SLC4A4: variants seen among roughly 807,000 people sequenced by gnomAD.
SLC4A4 encodes the protein solute carrier family 4 member 4, also known as electrogenic sodium bicarbonate cotransporter 1.
SLC4A4 carries 27 observed loss-of-function variants against 111.5 expected under a neutral mutation model. The ratio of observed to expected loss-of-function variants is 0.24; its 90% CI spans 0.18 to 0.33. SLC4A4 has a LOEUF of 0.33. SLC4A4 is among the 10% of genes least tolerant of loss of function. SLC4A4 has a pLI of 1.00. For synonymous variants in SLC4A4, 443 were observed against 463.4 expected, an observed-to-expected ratio of 0.96 and a Z score of 0.57; for missense variants, 909 against 1,315.5, an observed-to-expected ratio of 0.69 and a Z score of 4.78.
At chr4:71,468,523 G>A (rs761416035) in intron 13 of SLC4A4, among the ~76,000 whole-genome samples, 1 of 151,882 alleles carries the variant, frequency 6.6e-6, no homozygotes, top group Non-Finnish European at 1.5e-5. Context: ...TTTGAAAACA[G>A]TTGTACATCA....
rs553403475 is a variant in SLC4A4 at position 71,568,303 on chromosome 4, A to G, written c.*552A>G. 1 of 165,852 alleles carries G rather than the reference A, an allele frequency of 6.0e-6. No individual in the cohort carries two copies. Among genetic ancestry groups the G allele is most frequent in the Non-Finnish European group, 1.3e-5 (1 of 77,610 alleles). 10.3% of individuals were successfully genotyped at this position (165,852 alleles called of 1,614,324 possible). A position where few individuals can be genotyped will look rare whatever the true frequency, so the allele number is the denominator to read the frequency against. ...CTGGCTTGTCTTTGTCTGGTAGAAC[A>G]AACCTTGACCTCCAGACAGAGTCCC... On this transcript the variant is annotated 3_prime_UTR_variant, in exon 26 of 26. Coordinates refer to ENST00000264485, the MANE Select transcript of SLC4A4 (RefSeq NM_001098484.3).
intron 18 of SLC4A4, among the ~76,000 whole-genome samples, chr4:71,541,911 C>T (rs1578150220): frequency 6.6e-6 from 1 of 152,162 alleles, no homozygotes; most frequent in African/African-American, 2.4e-5. Context: ...TTGCAGTATT[C>T]TTTATATAAA....
intron 7 of SLC4A4, among the ~76,000 whole-genome samples, chr4:71,408,221 C>T (rs567029815): frequency 3.9e-5 from 6 of 152,236 alleles, no homozygotes; most frequent in African/African-American, 1.2e-4. Context: ...AAACATCCAT[C>T]CAGGATCATA....
chr4:71,308,377 A>G (rs1395276650), intron 3 of SLC4A4, among the ~76,000 whole-genome samples: 2 of 152,326 alleles, frequency 1.3e-5, no homozygotes, highest in Middle Eastern at 3.4e-3. Flanking sequence ...CCAGAGCACT[A>G]TAGTGTGCAC....
chr4:71,277,781 C>G (rs1723191670), intron 3 of SLC4A4, among the ~76,000 whole-genome samples: 2 of 151,856 alleles, frequency 1.3e-5, no homozygotes, highest in African/African-American at 2.4e-5. Flanking sequence ...TTTCTGCCAG[C>G]CTGTAGCTTG....
At chr4:71,305,195 G>C (rs1578795396) in intron 3 of SLC4A4, among the ~76,000 whole-genome samples, 1 of 152,200 alleles carries the variant, frequency 6.6e-6, no homozygotes, top group East Asian at 1.9e-4. Flanking sequence ...GTGAAGTTGG[G>C]ATTTGGATCT....
chr4:71,077,267 TCTC>T (rs1244259217), intron 1 of SLC4A4, among the ~76,000 whole-genome samples: 1 of 151,744 alleles, frequency 6.6e-6, no homozygotes, highest in African/African-American at 2.4e-5. Flanking sequence ...TTCAAGTAAT[TCTC>T]CTGCCTCAGC....
intron 6 of SLC4A4, among the ~76,000 whole-genome samples, chr4:71,388,625 C>T (rs533524967): frequency 6.6e-6 from 1 of 152,100 alleles, no homozygotes; most frequent in African/African-American, 2.4e-5. Flanking sequence ...CCAACTGCAA[C>T]CTTTAACTCC....
intron 16 of SLC4A4, among the ~76,000 whole-genome samples, chr4:71,515,252 C>T (rs1253299097): frequency 1.3e-5 from 2 of 151,848 alleles, no homozygotes; most frequent in African/African-American, 2.4e-5. Context: ...TTCAGAAGCA[C>T]GTTTAATTTC....
At chr4:71,332,505 C>T (rs902444192) in intron 3 of SLC4A4, among the ~76,000 whole-genome samples, 1 of 147,028 alleles carries the variant, frequency 6.8e-6, no homozygotes. Context: ...AGTGCTGTGG[C>T]GCGATCTCCG....
At chr4:71,284,548 T>G (rs1274689334) in intron 3 of SLC4A4, among the ~76,000 whole-genome samples, 1 of 152,222 alleles carries the variant, frequency 6.6e-6, no homozygotes, top group Non-Finnish European at 1.5e-5. Context: ...AATTGTAACA[T>G]CTCTTAGCTT....
intron 2 of SLC4A4, among the ~76,000 whole-genome samples, chr4:71,116,185 C>A (rs553703425): frequency 3.9e-5 from 6 of 152,318 alleles, no homozygotes; most frequent in African/African-American, 1.4e-4. Flanking sequence ...TGGGCCACTG[C>A]GCCCGGCCTA....
chr4:71,262,154 A>G (rs1269204373), intron 3 of SLC4A4, among the ~76,000 whole-genome samples: 1 of 152,202 alleles, frequency 6.6e-6, no homozygotes, highest in African/African-American at 2.4e-5. Context: ...AATGCACTGA[A>G]AAAAAGAAAG....
In SLC4A4 at chr4:71,230,141, G is replaced by T. The variant is rs536454598; in HGVS notation, c.-1-6435G>T. Among the ~76,000 whole-genome samples the T allele has an allele frequency of 2.0e-5, 3 of 152,296 alleles. No individual in the cohort carries two copies. In the South Asian group the frequency reaches 6.2e-4, roughly 32 times the overall value. ...GTCCCCCACTTCTTAAACATGATTTGAATAGGGAATAGAACTCAGAAATGT... is the reference window on the plus strand; with the variant it reads ...GTCCCCCACTTCTTAAACATGATTTTAATAGGGAATAGAACTCAGAAATGT... On this transcript the variant is annotated intron_variant, in intron 1 of 25. Transcript: ENST00000264485.
In SLC4A4 at chr4:71,490,454, G is replaced by A. The variant is rs116604607; in HGVS notation, c.1974+3436G>A. 9.0e-4 allele frequency among the ~76,000 whole-genome samples: 137 copies of A among 151,900 alleles called. 1 individual carries two copies. Among genetic ancestry groups the A allele is most frequent in the African/African-American group, 3.0e-3 (125 of 41,504 alleles). On this transcript the variant is annotated intron_variant, in intron 15 of 25. Transcript: ENST00000264485. ...CAGGACATTTCCATCATACCAGAAG[G>A]TCCCATGGAATGCTGTATTTTGTTT...
chr4:71,285,780 T>A (rs1354084726), intron 3 of SLC4A4, among the ~76,000 whole-genome samples: 1 of 152,244 alleles, frequency 6.6e-6, no homozygotes. Flanking sequence ...GTATTTAGAT[T>A]AAAATGTCAT....
At chr4:71,171,190 G>C (rs1307099307) in intron 2 of SLC4A4, among the ~76,000 whole-genome samples, 1 of 151,704 alleles carries the variant, frequency 6.6e-6, no homozygotes, top group Non-Finnish European at 1.5e-5. Flanking sequence ...AATGGTGGGA[G>C]GTTCATCAAA....
intron 3 of SLC4A4, among the ~76,000 whole-genome samples, chr4:71,332,260 G>T (rs895043161): frequency 1.3e-5 from 2 of 151,822 alleles, no homozygotes; most frequent in African/African-American, 2.4e-5. Context: ...AAGATGCATT[G>T]TTCGGTTTTT....
At chr4:71,375,393 C>T (rs983035454) in intron 6 of SLC4A4, among the ~76,000 whole-genome samples, 1 of 152,208 alleles carries the variant, frequency 6.6e-6, no homozygotes, top group Non-Finnish European at 1.5e-5. Context: ...AGTCACTTCC[C>T]ATTACTAGAA....
Sources: gnomAD v4.1 joint callset for allele counts (sites outside exome capture counted in the v4.1 genomes callset) on GRCh38, gnomAD v4.1.1 for gene constraint, MANE v1.5 for transcripts, NCBI Gene and HGNC (gene_info 2026-07-23, HGNC 2026-07-21) for gene names.